Variants in PPP2R2B observed in about 807,000 individuals in gnomAD.
PPP2R2B encodes serine/threonine-protein phosphatase 2A 55 kDa regulatory subunit B beta isoform.
A neutral mutation model predicts 46.0 loss-of-function variants in PPP2R2B; 5 were observed. That is an observed-to-expected ratio of 0.11 (90% CI 0.06 to 0.23). PPP2R2B has a LOEUF of 0.23. Ranked by LOEUF, PPP2R2B falls within the 10% of genes least tolerant of loss-of-function variation. The probability of loss-of-function intolerance (pLI) is 1.00; values close to 1 mark genes in which losing one functional copy is unlikely to be tolerated. For missense variants in PPP2R2B, 367 were observed against 575.0 expected (o/e 0.64, Z 3.70); for synonymous variants, 215 against 206.7 (o/e 1.04, Z -0.34).
At chr5:146,785,649 C>T (rs188107881) in intron 2 of PPP2R2B, among the ~76,000 whole-genome samples, 137 of 152,094 alleles carry the variant, frequency 9.0e-4, no homozygotes, top group African/African-American at 3.1e-3. Flanking sequence ...AGGCAAGCAA[C>T]GGAACTAAAA....
At chr5:146,987,484 GGATAA>G (rs1448682771) in intron 1 of PPP2R2B, among the ~76,000 whole-genome samples, 2 of 151,946 alleles carry the variant, frequency 1.3e-5, no homozygotes, top group Non-Finnish European at 2.9e-5. Context: ...CAAAATGTAG[GGATAA>G]GATGAGTTAA....
intron 1 of PPP2R2B, among the ~76,000 whole-genome samples, chr5:146,937,794 A>C (rs904666487): frequency 6.6e-6 from 1 of 152,130 alleles, no homozygotes; most frequent in African/African-American, 2.4e-5. Context: ...TCTGAAATTT[A>C]TGTCTGTTTG....
intron 2 of PPP2R2B, among the ~76,000 whole-genome samples, chr5:146,843,141 C>G (rs562329990): frequency 6.8e-4 from 104 of 152,334 alleles, no homozygotes; most frequent in African/African-American, 2.4e-3. Context: ...GAGCCCAGAT[C>G]GTGCCATTGC....
chr5:146,753,484 A>G (rs1259355356), intron 2 of PPP2R2B, among the ~76,000 whole-genome samples: 2 of 152,206 alleles, frequency 1.3e-5, no homozygotes, highest in African/African-American at 4.8e-5. Flanking sequence ...AGATGGACAC[A>G]GTAAATAAGT....
chr5:146,716,432 A>T (rs1780502981), intron 2 of PPP2R2B, among the ~76,000 whole-genome samples: 1 of 152,182 alleles, frequency 6.6e-6, no homozygotes, highest in African/African-American at 2.4e-5. Flanking sequence ...TTGATGAATA[A>T]AAGAATGTAA....
At chr5:146,719,330 G>A (rs920669269) in intron 2 of PPP2R2B, among the ~76,000 whole-genome samples, 1 of 152,200 alleles carries the variant, frequency 6.6e-6, no homozygotes, top group Admixed American at 6.5e-5. Flanking sequence ...TGTTAGTATA[G>A]TATTTTACCT....
Position 146,768,187 on chromosome 5 carries a change from C to T in PPP2R2B, c.71-67045G>A, listed in dbSNP as rs181378894. On this transcript the variant is annotated intron_variant, in intron 2 of 9. Coordinates refer to ENST00000394411, the MANE Select transcript of PPP2R2B (RefSeq NM_181675.4). ...CTCCCAGGCTCAAGCAATCCTCCCACCCCAGCCTCCCGAGTAGCTGGGACT... is the reference window on the plus strand; with the variant it reads ...CTCCCAGGCTCAAGCAATCCTCCCATCCCAGCCTCCCGAGTAGCTGGGACT... Among the ~76,000 whole-genome samples the T allele has an allele frequency of 1.9e-3, 285 of 152,232 alleles. 2 individuals are homozygous for T. Among genetic ancestry groups the T allele is most frequent in the Middle Eastern group, 0.017 (5 of 294 alleles).
chr5:146,886,397 T>C (rs1347246350), intron 1 of PPP2R2B, among the ~76,000 whole-genome samples: 1 of 145,270 alleles, frequency 6.9e-6, no homozygotes, highest in African/African-American at 2.6e-5. Context: ...TAAAATAAAT[T>C]TGGAGCAATA....
chr5:146,720,160 G>A (rs1339924195), intron 2 of PPP2R2B, among the ~76,000 whole-genome samples: 1 of 152,042 alleles, frequency 6.6e-6, no homozygotes, highest in Non-Finnish European at 1.5e-5. Flanking sequence ...CTCTCTACAG[G>A]GCTGCATGCA....
At chr5:146,794,212 C>G (rs928166331) in intron 2 of PPP2R2B, among the ~76,000 whole-genome samples, 5 of 152,164 alleles carry the variant, frequency 3.3e-5, no homozygotes, top group African/African-American at 1.2e-4. Context: ...GTTTGATACT[C>G]TTTATGAAGG....
At chr5:146,761,431 A>G (rs1249961271) in intron 2 of PPP2R2B, among the ~76,000 whole-genome samples, 1 of 152,110 alleles carries the variant, frequency 6.6e-6, no homozygotes, top group African/African-American at 2.4e-5. Flanking sequence ...TCCAAACACC[A>G]CAAGTTTTCA....
chr5:146,766,914 T>C (rs1008637276), intron 2 of PPP2R2B, among the ~76,000 whole-genome samples: 1 of 151,316 alleles, frequency 6.6e-6, no homozygotes, highest in Non-Finnish European at 1.5e-5. Context: ...ATTGGCCAGG[T>C]GAGGTGGCGC....
intron 1 of PPP2R2B, among the ~76,000 whole-genome samples, chr5:147,000,723 T>C (rs1754132329): frequency 7.1e-6 from 1 of 141,334 alleles, no homozygotes. Context: ...ACTGATCACA[T>C]AGGTTTATAG....
At chr5:146,842,189 G>A (rs1582243180) in intron 2 of PPP2R2B, among the ~76,000 whole-genome samples, 1 of 152,220 alleles carries the variant, frequency 6.6e-6, no homozygotes, top group Non-Finnish European at 1.5e-5. Context: ...TCTTCCATCT[G>A]AAGTGCTTGA....
intron 5 of PPP2R2B, among the ~76,000 whole-genome samples, chr5:146,660,538 C>T (rs1156984289): frequency 6.6e-6 from 1 of 152,124 alleles, no homozygotes; most frequent in Non-Finnish European, 1.5e-5. Flanking sequence ...TAGGCTGGCT[C>T]TGGCTTACAG....
At chr5:146,918,495 C>A (rs1763473527) in intron 1 of PPP2R2B, 1 of 152,122 alleles carries the variant, frequency 6.6e-6, no homozygotes, top group Non-Finnish European at 1.5e-5. Flanking sequence ...TCAATATTCA[C>A]AACTTCTCTA....
At chr5:147,037,037 C>T (rs751718787) in intron 1 of PPP2R2B, among the ~76,000 whole-genome samples, 1 of 152,002 alleles carries the variant, frequency 6.6e-6, no homozygotes, top group Non-Finnish European at 1.5e-5. Context: ...AACTGTATGC[C>T]AGAGAGGTGA....
At chr5:147,055,360 G>A (rs1168852785) in intron 1 of PPP2R2B, among the ~76,000 whole-genome samples, 2 of 152,222 alleles carry the variant, frequency 1.3e-5, no homozygotes, top group African/African-American at 4.8e-5. Context: ...TGGTTCCAAT[G>A]ACTTGTTTGC....
chr5:146,583,324 A>G lies in PPP2R2B; in HGVS notation c.*6623T>C, dbSNP rs1165650432. The G allele has an allele frequency of 2.6e-5, 4 of 152,294 alleles. No homozygotes were observed. Among genetic ancestry groups the G allele is most frequent in the African/African-American group, 7.2e-5 (3 of 41,558 alleles). The allele number at this position is 152,294 out of a possible 1,614,324, so 9.4% of individuals were successfully genotyped here. On this transcript the variant is annotated 3_prime_UTR_variant, in exon 10 of 10. Transcript: ENST00000394411. ...GAACTGTAGCAAGAAATGTGCACTG[A>G]ATGCATATTTGTGGGCCAGGCATCC...
Sources: gnomAD v4.1 joint callset for allele counts (sites outside exome capture counted in the v4.1 genomes callset) on GRCh38, gnomAD v4.1.1 for gene constraint, MANE v1.5 for transcripts, NCBI Gene and HGNC (gene_info 2026-07-23, HGNC 2026-07-21) for gene names.